Variants in SLC29A3 observed in about 807,000 individuals in gnomAD.
The protein encoded by SLC29A3 is solute carrier family 29 member 3.
SLC29A3 carries 18 observed loss-of-function variants against 25.4 expected under a neutral mutation model. The observed-to-expected ratio is 0.71, with a 90% CI of 0.49 to 1.05. The LOEUF (loss-of-function observed/expected upper bound fraction) is 1.05. Among genes scored for constraint, SLC29A3 ranks in the 50% least tolerant of loss-of-function variants. The probability of loss-of-function intolerance (pLI) is 0.00; values close to 1 mark genes in which losing one functional copy is unlikely to be tolerated. For synonymous variants in SLC29A3, 258 were observed against 267.1 expected, an observed-to-expected ratio of 0.97 and a Z score of 0.33; for missense variants, 586 against 609.0, an observed-to-expected ratio of 0.96 and a Z score of 0.40.
At chr10:71,351,848 G>A in intron 4 of SLC29A3, 60 bp downstream of exon 4, 1 of 1,461,018 alleles carries the variant, frequency 6.8e-7, no homozygotes, top group South Asian at 1.2e-5. Flanking sequence ...ATGGGAGGGA[G>A]CCAGAGATGA....
intron 1 of SLC29A3, among the ~76,000 whole-genome samples, chr10:71,321,613 A>G (rs1393415010): frequency 2.0e-5 from 3 of 152,216 alleles, no homozygotes; most frequent in African/African-American, 7.2e-5. Context: ...AGATGCTGAC[A>G]TTTGTTCAAC....
At chr10:71,374,878 A>G (rs1048093362) in intron 3 of SLC29A3, among the ~76,000 whole-genome samples, 24 of 152,204 alleles carry the variant, frequency 1.6e-4, no homozygotes, top group African/African-American at 5.8e-4. Context: ...TGCCTCTGTG[A>G]GTCAAGCCTC....
intron 3 of SLC29A3, among the ~76,000 whole-genome samples, chr10:71,369,767 G>A (rs1847197522): frequency 6.6e-6 from 1 of 152,210 alleles, no homozygotes; most frequent in African/African-American, 2.4e-5. Flanking sequence ...CCTGCCAGGT[G>A]GGGTGGGTCA....
At chr10:71,332,999 G>A (rs972394831) in intron 2 of SLC29A3, among the ~76,000 whole-genome samples, 3 of 152,208 alleles carry the variant, frequency 2.0e-5, no homozygotes, top group Admixed American at 6.5e-5. Flanking sequence ...CTCTGCCTTC[G>A]ATTTTATTTC....
At chr10:71,361,807 A>T in intron 5 of SLC29A3, 147 bp from the exon 6 acceptor site, 2 of 923,058 alleles carry the variant, frequency 2.2e-6, no homozygotes, top group Non-Finnish European at 3.3e-6. Context: ...AGCATCTGTC[A>T]TCTCAGGGAA....
chr10:71,321,793 C>T (rs1166705793), intron 1 of SLC29A3, among the ~76,000 whole-genome samples: 3 of 152,188 alleles, frequency 2.0e-5, no homozygotes, highest in Non-Finnish European at 4.4e-5. Context: ...TTATCTTAGG[C>T]GCTACCATAG....
rs559916746 is a variant in SLC29A3 at position 71,362,883 on chromosome 10, C to T, written c.*275C>T. ...TACTCCCTTCACAGCTGATGGTTAACATTCCACCTTCTTTCTAGCCCTTCA... is the reference window on the plus strand; with the variant it reads ...TACTCCCTTCACAGCTGATGGTTAATATTCCACCTTCTTTCTAGCCCTTCA... On this transcript the variant is annotated 3_prime_UTR_variant, in exon 6 of 6. Coordinates refer to ENST00000373189, the MANE Select transcript of SLC29A3 (RefSeq NM_018344.6). The T allele has an allele frequency of 1.6e-6, 1 of 635,824 alleles. No individual in the cohort carries two copies. The highest frequency in any genetic ancestry group is 2.1e-5 in the Admixed American group (1 of 47,892). The allele number at this position is 635,824 out of a possible 1,614,324, so 39.4% of individuals were successfully genotyped here.
Position 71,362,343 on chromosome 10 carries a change from GC to G in SLC29A3, c.1165del (p.Leu389SerfsTer16). ...CCAGGGTTCGTGCTCCTCCGGACCT[GC>G]CTCATCCCCCTCTTCGTGCTCTGTA... is the stretch of plus-strand genomic sequence containing the variant. ...ALPGFVLLRT[C>X]LIPLFVLCNY... On this transcript the variant is annotated frameshift_variant, in exon 6 of 6. Transcript: ENST00000373189. LOFTEE classifies it high-confidence loss of function. 6.2e-7 allele frequency: 1 copy of G among 1,614,170 alleles called. No homozygotes were observed. The highest frequency in any genetic ancestry group is 8.5e-7 in the Non-Finnish European group (1 of 1,180,036).
rs950246134 is a variant in SLC29A3 at position 71,345,725 on chromosome 10, C to T, written c.383+1434C>T. Among the ~76,000 whole-genome samples, 7 of 152,210 alleles carry T rather than the reference C, an allele frequency of 4.6e-5. No homozygotes were observed. The East Asian group carries it at 1.4e-3, about 29-fold the overall frequency. ...GTCCTAGCAGAGGGGGCACAGCCTG[C>T]GGAGACCGCCACCCCAGGAGGAGAG... is the stretch of plus-strand genomic sequence containing the variant. On this transcript the variant is annotated intron_variant, in intron 3 of 5. Coordinates refer to ENST00000373189, the MANE Select transcript of SLC29A3 (RefSeq NM_018344.6).
At chr10:71,319,531 T>G in intron 1 of SLC29A3, 1 of 412,892 alleles carries the variant, frequency 2.4e-6, no homozygotes, top group East Asian at 3.7e-5. Context: ...CCAAATCCTC[T>G]CCCCTCCTCC....
intron 3 of SLC29A3, among the ~76,000 whole-genome samples, chr10:71,350,314 CGT>C (rs775651402): frequency 0.057 from 8,062 of 142,470 alleles, 543 homozygotes; most frequent in African/African-American, 0.16. Flanking sequence ...TTCACACCTA[CGT>C]GTGTGTGTGT....
rs142574838 is a variant in SLC29A3, at chr10:71,376,407, C to A, written c.*211+596C>A. Among the ~76,000 whole-genome samples, 724 of 152,066 alleles carry A rather than the reference C, an allele frequency of 4.8e-3. 5 individuals are homozygous for A. The highest frequency in any genetic ancestry group is 0.017 in the African/African-American group (690 of 41,440). On this transcript the variant is annotated intron_variant and NMD_transcript_variant, in intron 4 of 4. Coordinates refer to the SLC29A3 transcript ENST00000642772. ...CTGGCCCTGTAGAGCTGTGTCAGAGCAAATCAAATTCTTCCCTGAGCCTAT... is the reference window on the plus strand; with the variant it reads ...CTGGCCCTGTAGAGCTGTGTCAGAGAAAATCAAATTCTTCCCTGAGCCTAT...
At chr10:71,326,166 C>T (rs112142158) in intron 2 of SLC29A3, among the ~76,000 whole-genome samples, 1,545 of 152,136 alleles carry the variant, frequency 0.01, 6 homozygotes, top group Non-Finnish European at 0.016. Flanking sequence ...GAGATCCGCC[C>T]GCCTCAGCCT....
intron 2 of SLC29A3, among the ~76,000 whole-genome samples, chr10:71,338,159 C>T: frequency 6.6e-6 from 1 of 152,224 alleles, no homozygotes; most frequent in East Asian, 1.9e-4. Flanking sequence ...CCCCCATGCC[C>T]ACTCTGGGGC....
intron 1 of SLC29A3, among the ~76,000 whole-genome samples, chr10:71,319,883 G>A (rs1320251323): frequency 6.6e-6 from 1 of 152,342 alleles, no homozygotes; most frequent in Middle Eastern, 3.4e-3. Context: ...AGCAGTGCCT[G>A]CCTCCTTGTG....
At position 71,348,735 on chromosome 10, in the gene SLC29A3, C is replaced by G. The variant is rs112200586; in HGVS notation, c.384-2827C>G. ...CAACAGCTCCTGTCCAGGCCAAAGC[C>G]CCTGCAGACCTTGAGAAGATGTGTG... On this transcript the variant is annotated intron_variant, in intron 3 of 5. Transcript: ENST00000373189. 6.3e-3 allele frequency among the ~76,000 whole-genome samples: 956 copies of G among 152,342 alleles called. 10 individuals carry two copies. The highest frequency in any genetic ancestry group is 0.022 in the African/African-American group (909 of 41,582).
chr10:71,322,824 C>T lies in SLC29A3; in HGVS notation c.70C>T (p.Leu24Phe). 2 of 1,614,236 alleles carry T rather than the reference C, an allele frequency of 1.2e-6. No individual in the cohort carries two copies. The highest frequency in any genetic ancestry group is 1.7e-6 in the Non-Finnish European group (2 of 1,180,050). Residue 24 changes from leucine to phenylalanine, a missense_variant, in exon 2 of 6, where the codon CTC (leucine) becomes TTC (phenylalanine). Leu to Phe is a conservative substitution (Grantham distance 22). Coordinates refer to ENST00000373189, the MANE Select transcript of SLC29A3 (RefSeq NM_018344.6). ...CACCTACAGAACCACAAGCAGCAGTCTCCGAGCTGACCAGGAGGCACTGCT... is the reference window on the plus strand; with the variant it reads ...CACCTACAGAACCACAAGCAGCAGTTTCCGAGCTGACCAGGAGGCACTGCT... ...NSTYRTTSSS[L>F]RADQEALLEK...
rs371157506 is a variant in SLC29A3, at chr10:71,337,637, C to A, written c.301-6572C>A. On this transcript the variant is annotated intron_variant, in intron 2 of 5. Transcript: ENST00000373189. ...CACGGACACTGAGTCTGCCGCAGCT[C>A]GTGACTAATTTGCTGCACTTATTTC... 4.0e-3 allele frequency among the ~76,000 whole-genome samples: 616 copies of A among 152,298 alleles called. 6 individuals are homozygous for A. Among genetic ancestry groups the A allele is most frequent in the African/African-American group, 0.014 (586 of 41,562 alleles).
At chr10:71,331,478 G>A (rs1171893067) in intron 2 of SLC29A3, among the ~76,000 whole-genome samples, 2 of 152,152 alleles carry the variant, frequency 1.3e-5, no homozygotes, top group African/African-American at 2.4e-5. Flanking sequence ...TGATCCAGCA[G>A]AGAAGGAAAA....
Sources: allele counts gnomAD v4.1 joint callset (sites outside exome capture counted in the v4.1 genomes callset), GRCh38; gene constraint gnomAD v4.1.1; transcripts MANE v1.5; gene names NCBI Gene and HGNC (gene_info 2026-07-23, HGNC 2026-07-21).